The following TULP4 variants were observed in gnomAD, a reference collection of about 807,000 sequenced individuals.
TULP4 encodes TUB like protein 4.
TULP4 carries 16 observed loss-of-function variants against 129.0 expected under a neutral mutation model. The observed-to-expected ratio is 0.12, with a 90% confidence interval of 0.08 to 0.19. TULP4 has a LOEUF of 0.19. Ranked by LOEUF, TULP4 falls within the 10% of genes least tolerant of loss-of-function variation. The pLI, the probability that TULP4 is intolerant of heterozygous loss-of-function variation, is 1.00. For synonymous variants in TULP4, 998 were observed against 854.0 expected (o/e 1.17, Z -2.94); for missense variants, 1,842 against 2,059.1 (o/e 0.89, Z 2.04).
chr6:158,395,851 T>C (rs1188178068), intron 1 of TULP4, among the ~76,000 whole-genome samples: 2 of 152,130 alleles, frequency 1.3e-5, no homozygotes, highest in African/African-American at 4.8e-5. Context: ...TTTAGAAGTC[T>C]GTCATTTTTC....
rs1780642915 is a variant in TULP4 at position 158,508,005 on chromosome 6, T to C, written c.*1311T>C. On this transcript the variant is annotated 3_prime_UTR_variant, in exon 14 of 14. Transcript: ENST00000367097. ...CACTGAGAAAACGTTATTAAAATTG[T>C]AATACCTAGGTAGTTGGTTGATCAC... 1 of 152,194 alleles carries C rather than the reference T, an allele frequency of 6.6e-6. No homozygotes were observed. The highest frequency in any genetic ancestry group is 2.4e-5 in the African/African-American group (1 of 41,454). The allele number at this position is 152,194 out of a possible 1,614,324, so 9.4% of individuals were successfully genotyped here.
At chr6:158,465,847 A>G (rs961362884) in intron 6 of TULP4, among the ~76,000 whole-genome samples, 3 of 152,218 alleles carry the variant, frequency 2.0e-5, no homozygotes, top group African/African-American at 7.2e-5. Flanking sequence ...AGAGGAGTAT[A>G]CAAGTCAGGT....
At chr6:158,428,890 C>A (rs112887199) in intron 2 of TULP4, among the ~76,000 whole-genome samples, 77 of 152,330 alleles carry the variant, frequency 5.1e-4, no homozygotes, top group African/African-American at 1.7e-3. Context: ...CTTCCGCAGA[C>A]TGTTGACTTG....
At chr6:158,442,191 A>G (rs958361912) in intron 3 of TULP4, among the ~76,000 whole-genome samples, 2 of 152,158 alleles carry the variant, frequency 1.3e-5, no homozygotes, top group Non-Finnish European at 2.9e-5. Context: ...CCCAGCTGCC[A>G]CTGGTAGCAC....
At chr6:158,492,020 G>A (rs537995136) in intron 9 of TULP4, among the ~76,000 whole-genome samples, 44 of 151,742 alleles carry the variant, frequency 2.9e-4, no homozygotes, top group African/African-American at 8.0e-4. Context: ...CACCACGCCC[G>A]GCTAATTTTT....
intron 1 of TULP4, among the ~76,000 whole-genome samples, chr6:158,295,044 C>T (rs1323140366): frequency 1.3e-5 from 2 of 152,142 alleles, no homozygotes; most frequent in Non-Finnish European, 2.9e-5. Context: ...TCCAAGCAAA[C>T]CTGTAGTCAA....
intron 1 of TULP4, among the ~76,000 whole-genome samples, chr6:158,337,786 G>A (rs1214504548): frequency 1.7e-5 from 1 of 58,870 alleles, no homozygotes; most frequent in Non-Finnish European, 4.0e-5. Flanking sequence ...AGAAGTGAAT[G>A]TTTGATTTTT....
At chr6:158,252,095 G>C (rs1583676725) in intron 1 of TULP4, among the ~76,000 whole-genome samples, 1 of 152,152 alleles carries the variant, frequency 6.6e-6, no homozygotes, top group East Asian at 1.9e-4. Context: ...AGTTGTAGCA[G>C]ATAGAGCATC....
At chr6:158,484,413 G>A (rs1447188445) in intron 8 of TULP4, among the ~76,000 whole-genome samples, 1 of 151,974 alleles carries the variant, frequency 6.6e-6, no homozygotes, top group Admixed American at 6.6e-5. Context: ...GGTCGCCAAA[G>A]TGCTGGGATT....
chr6:158,485,235 G>A (rs1300986756), intron 8 of TULP4, among the ~76,000 whole-genome samples: 2 of 152,194 alleles, frequency 1.3e-5, no homozygotes, highest in Admixed American at 1.3e-4. Context: ...GGTTCCTCCT[G>A]ATGGCTTATA....
Position 158,503,208 on chromosome 6 carries a change from A to G in TULP4, c.3545A>G (p.Gln1182Arg). The G allele has an allele frequency of 6.2e-7, 1 of 1,613,894 alleles. No homozygotes were observed. The highest frequency in any genetic ancestry group is 8.5e-7 in the Non-Finnish European group (1 of 1,179,954). The change falls in exon 13 of 14, where the codon CAA becomes CGA. Residue 1182 changes from glutamine to arginine, a missense_variant. Gln to Arg is a conservative substitution (Grantham distance 43, BLOSUM62 1). Around this residue, in one of 5 missense-constraint regions of TULP4, gnomAD observed 1,089 missense variants for 987.1 expected, o/e 1.10. Coordinates refer to ENST00000367097, the MANE Select transcript of TULP4 (RefSeq NM_020245.5). This position sits in a 1 kb window ranked among gnomAD's most constrained non-coding sequence, Gnocchi z 4.3. ...CCTGCCAGCCCCACTGCCACTTTCC[A>G]AACAGGCTATGGGATGGGAGTGCCA... ...KSPASPTATFQTGYGMGVPYP... is the reference protein window; with the variant it reads ...KSPASPTATFRTGYGMGVPYP...
intron 1 of TULP4, among the ~76,000 whole-genome samples, chr6:158,328,781 G>C (rs950842571): frequency 7.2e-5 from 11 of 152,088 alleles, no homozygotes; most frequent in Non-Finnish European, 1.5e-4. Flanking sequence ...CTCATCTTGT[G>C]CAGTTCATTC....
At chr6:158,497,576 A>T (rs6916379) in intron 11 of TULP4, among the ~76,000 whole-genome samples, 133,393 of 152,100 alleles carry the variant, frequency 0.88, 58,640 homozygotes, top group East Asian at 0.93. Context: ...GAATTTTTTT[A>T]AAAATTGCTT....
At chr6:158,395,757 A>G (rs1046648091) in intron 1 of TULP4, among the ~76,000 whole-genome samples, 6 of 151,666 alleles carry the variant, frequency 4.0e-5, no homozygotes, top group African/African-American at 1.5e-4. Context: ...TGTGGAAACA[A>G]CGAGTGTCTA....
At chr6:158,354,843 G>T (rs1780607374) in intron 1 of TULP4, among the ~76,000 whole-genome samples, 1 of 143,710 alleles carries the variant, frequency 7.0e-6, no homozygotes, top group South Asian at 2.3e-4. Context: ...AGCTATAACT[G>T]CGCCACTGTA....
chr6:158,277,522 G>A (rs1341956681), upstream of TULP4, among the ~76,000 whole-genome samples: 1 of 152,192 alleles, frequency 6.6e-6, no homozygotes, highest in Non-Finnish European at 1.5e-5. Flanking sequence ...CATAGTCCGT[G>A]GGTTAATTGG....
At chr6:158,348,877 C>A (rs1440945881) in intron 1 of TULP4, among the ~76,000 whole-genome samples, 4 of 144,552 alleles carry the variant, frequency 2.8e-5, no homozygotes, top group Non-Finnish European at 6.0e-5. Context: ...GATGGGGCGG[C>A]CGGGCAGAGG....
At chr6:158,417,244 G>A (rs1778230401) in intron 2 of TULP4, among the ~76,000 whole-genome samples, 1 of 152,174 alleles carries the variant, frequency 6.6e-6, no homozygotes, top group South Asian at 2.1e-4. Flanking sequence ...CATAGCAGCT[G>A]TGCAGTCACC....
intron 1 of TULP4, among the ~76,000 whole-genome samples, chr6:158,321,975 T>C (rs574089320): frequency 9.0e-4 from 137 of 152,340 alleles, no homozygotes; most frequent in Middle Eastern, 3.4e-3. Context: ...AGTACCATTG[T>C]CTGATTCACC....
Sources: allele counts gnomAD v4.1 joint callset (sites outside exome capture counted in the v4.1 genomes callset), GRCh38; gene constraint gnomAD v4.1.1; regional missense constraint gnomAD v4.1.1; non-coding constraint Gnocchi (gnomAD v3.1); transcripts MANE v1.5; gene names NCBI Gene and HGNC (gene_info 2026-07-23, HGNC 2026-07-21).